The following RFT1 variants were observed in gnomAD, a reference collection of about 807,000 sequenced individuals.
RFT1 encodes RFT1 glycolipid translocator homolog, also known as man(5)GlcNAc(2)-PP-dolichol translocation protein RFT1.
In RFT1, 43 loss-of-function variants were observed where a neutral mutation model predicts 62.2. That is an observed-to-expected ratio of 0.69 (90% CI 0.54 to 0.89). The LOEUF is 0.89. RFT1 is among the 40% of genes least tolerant of loss of function. RFT1 has a pLI of 0.00. For synonymous variants in RFT1, 262 were observed against 264.6 expected (o/e 0.99, Z 0.10); for missense variants, 605 against 649.9 (o/e 0.93, Z 0.75).
the RFT1 span, among the ~76,000 whole-genome samples, chr3:53,071,102 A>T: frequency 6.6e-6 from 1 of 152,156 alleles, no homozygotes; most frequent in Non-Finnish European, 1.5e-5. Flanking sequence ...TAAGTTGCCC[A>T]GGCTGGTCTC....
chr3:53,120,436 T>C (rs1169505741), intron 5 of RFT1, among the ~76,000 whole-genome samples: 1 of 152,244 alleles, frequency 6.6e-6, no homozygotes, highest in African/African-American at 2.4e-5. Flanking sequence ...TCAAGGACTG[T>C]GGGTTTTCTA....
chr3:53,075,792 C>G, the RFT1 span, among the ~76,000 whole-genome samples: 1 of 152,188 alleles, frequency 6.6e-6, no homozygotes, highest in Admixed American at 6.5e-5. Context: ...TGGCTGGGAG[C>G]AGGCTCAGAG....
At chr3:53,095,274 T>A (rs906369216) in intron 11 of RFT1, among the ~76,000 whole-genome samples, 1 of 151,820 alleles carries the variant, frequency 6.6e-6, no homozygotes, top group Non-Finnish European at 1.5e-5. Flanking sequence ...AAAAAAAAAA[T>A]CACTTTTTAA....
chr3:53,069,656 A>G, the RFT1 span, among the ~76,000 whole-genome samples: 1 of 152,354 alleles, frequency 6.6e-6, no homozygotes, highest in Non-Finnish European at 1.5e-5. Context: ...TGTTAGTACA[A>G]CAAGTGCCTA....
At chr3:53,093,110 G>A (rs1387489819) in intron 11 of RFT1, among the ~76,000 whole-genome samples, 2 of 112,954 alleles carry the variant, frequency 1.8e-5, no homozygotes, top group Admixed American at 9.9e-5. Context: ...ACACTCAGCC[G>A]GACTTCTGAC....
At chr3:53,084,734 C>G (rs1700823064), downstream of RFT1, among the ~76,000 whole-genome samples, 1 of 152,210 alleles carries the variant, frequency 6.6e-6, no homozygotes, top group Admixed American at 6.5e-5. Context: ...CAGGTGGCCT[C>G]TGCCAAACCC....
At chr3:53,127,917 C>A (rs530649448) in intron 1 of RFT1, among the ~76,000 whole-genome samples, 2 of 152,040 alleles carry the variant, frequency 1.3e-5, no homozygotes, top group Non-Finnish European at 2.9e-5. Context: ...TAAAATGTAA[C>A]CACAAAGCTA....
chr3:53,074,377 T>C, the RFT1 span, among the ~76,000 whole-genome samples: 1 of 152,194 alleles, frequency 6.6e-6, no homozygotes, highest in Admixed American at 6.5e-5. Context: ...CCAGGAGCCC[T>C]CCTGTGGCCA....
At chr3:53,083,200 CAAAAAAAAA>C in the RFT1 span, among the ~76,000 whole-genome samples, 5 of 39,402 alleles carry the variant, frequency 1.3e-4, no homozygotes, top group African/African-American at 2.7e-4. Flanking sequence ...GATTCCATCT[CAAAAAAAAA>C]AAAAAAAAAA....
intron 7 of RFT1, among the ~76,000 whole-genome samples, chr3:53,108,212 C>A (rs1004299528): frequency 5.9e-5 from 9 of 151,526 alleles, no homozygotes; most frequent in African/African-American, 2.2e-4. Flanking sequence ...CCAAGCCCAG[C>A]ACTTTTTTTT....
chr3:53,114,850 C>T (rs930985508), intron 6 of RFT1, among the ~76,000 whole-genome samples: 4 of 152,166 alleles, frequency 2.6e-5, no homozygotes, highest in African/African-American at 7.2e-5. Context: ...CTGAGTCACT[C>T]GTCCACTTCC....
chr3:53,093,977 G>A (rs1232676576), intron 11 of RFT1, among the ~76,000 whole-genome samples: 1 of 152,116 alleles, frequency 6.6e-6, no homozygotes, highest in African/African-American at 2.4e-5. Flanking sequence ...TCATGCCACT[G>A]CACTCCAGCC....
chr3:53,121,830 C>A, intron 4 of RFT1, 30 bp from the exon 5 acceptor site: 2 of 1,552,124 alleles, frequency 1.3e-6, no homozygotes, highest in South Asian at 2.3e-5. Context: ...GTGCAGTTTA[C>A]AAACATCATC....
Position 53,105,796 on chromosome 3 carries a change from A to G in RFT1, c.834T>C (p.Tyr278=), listed in dbSNP as rs1294069305. The change falls in exon 9 of 13, where the codon TAT becomes TAC. Residue 278 remains tyrosine (Y), a synonymous_variant. Coordinates refer to ENST00000296292, the MANE Select transcript of RFT1 (RefSeq NM_052859.4). ...NVLNFGDQGV[Y]DIVNNLGSLV... The stretch of plus-strand genomic sequence containing the variant: ...GGGAGCCAAGATTATTCACTATATC[A>G]TACACACCTACAAAACAAAAAAGAA... The G allele has an allele frequency of 1.2e-6, 2 of 1,613,106 alleles. No homozygotes were observed. Among genetic ancestry groups the G allele is most frequent in the African/African-American group, 2.7e-5 (2 of 74,890 alleles).
At chr3:53,087,762 C>G (rs1398942814), downstream of RFT1, among the ~76,000 whole-genome samples, 1 of 152,230 alleles carries the variant, frequency 6.6e-6, no homozygotes, top group Non-Finnish European at 1.5e-5. Context: ...CTCAAGCAAT[C>G]CTCCTGCTTC....
chr3:53,070,393 G>GGC, the RFT1 span, among the ~76,000 whole-genome samples: 1 of 85,448 alleles, frequency 1.2e-5, no homozygotes, highest in Non-Finnish European at 2.3e-5. Context: ...CTGTATTATG[G>GGC]TTTTTTTTTT....
rs761993663 is a variant in RFT1 at position 53,092,463 on chromosome 3, C to A, written c.1364G>T (p.Arg455Leu). The A allele has an allele frequency of 6.2e-7, 1 of 1,611,764 alleles. No homozygotes were observed. Among genetic ancestry groups the A allele is most frequent in the Non-Finnish European group, 8.5e-7 (1 of 1,179,366 alleles). ...QSLCFIHRYY[R>L]RSPHRPLAGL... ...AGCCAGGGGCCTGTGGGGGCTCCTT[C>A]GGTAGTAGCGGTGGATGAAGCAAAG... The change falls in exon 12 of 13, where the codon CGA (arginine) becomes CTA (leucine). Residue 455 changes from arginine (R) to leucine (L), a missense_variant. Transcript: ENST00000296292.
Position 53,111,921 on chromosome 3 carries a change from A to G in RFT1, c.697-13T>C. ...AGTTTATAAACGCCTAGAAGAGAAA[A>G]CAAAACAAAACAAAAACATCACAGG... On this transcript the variant is annotated splice_polypyrimidine_tract_variant and intron_variant, in intron 6 of 12. Coordinates refer to ENST00000296292, the MANE Select transcript of RFT1 (RefSeq NM_052859.4). The G allele has an allele frequency of 5.6e-6, 9 of 1,595,904 alleles. No homozygotes were observed. Among genetic ancestry groups the G allele is most frequent in the Non-Finnish European group, 7.7e-6 (9 of 1,165,644 alleles).
intron 5 of RFT1, among the ~76,000 whole-genome samples, chr3:53,120,414 G>C (rs899408506): frequency 1.3e-5 from 2 of 152,164 alleles, no homozygotes; most frequent in African/African-American, 4.8e-5. Context: ...AATATCCAAG[G>C]ACTTGCCGTC....
Sources: gnomAD v4.1 joint callset for allele counts (sites outside exome capture counted in the v4.1 genomes callset) on GRCh38, gnomAD v4.1.1 for gene constraint, MANE v1.5 for transcripts, NCBI Gene and HGNC (gene_info 2026-07-23, HGNC 2026-07-21) for gene names.